Variants in FKBP15 observed in about 807,000 individuals in gnomAD.
FKBP15 encodes the protein FK506-binding protein 15.
Under a neutral mutation model 158.1 loss-of-function variants are expected in FKBP15, and 106 were observed. The observed-to-expected ratio is 0.67, with a 90% CI of 0.57 to 0.79. FKBP15 has a LOEUF of 0.79. Among genes scored for constraint, FKBP15 ranks in the 30% least tolerant of loss-of-function variants. The pLI is 0.00. For synonymous variants in FKBP15, 547 were observed against 548.6 expected, an observed-to-expected ratio of 1.00 and a Z score of 0.04; for missense variants, 1,287 against 1,479.1, an observed-to-expected ratio of 0.87 and a Z score of 2.13.
chr9:113,203,712 AG>A (rs1830837055), intron 4 of FKBP15, among the ~76,000 whole-genome samples: 1 of 152,038 alleles, frequency 6.6e-6, no homozygotes, highest in Non-Finnish European at 1.5e-5. Context: ...TTTTTAGTAG[AG>A]ACCAGGTTTC....
Position 113,221,236 on chromosome 9 carries a change from C to A in FKBP15, c.8G>T (p.Gly3Val). The A allele has an allele frequency of 6.2e-7, 1 of 1,607,656 alleles. No homozygotes were observed. The change falls in exon 1 of 28, where the codon GGT becomes GTT. Residue 3 changes from glycine (G) to valine (V), a missense_variant. Transcript: ENST00000238256. ...ATCGGTGTCGTCCTCGTCCCCCGCA[C>A]CGAACATTGCGTTGGCTTTCACCGG... MFGAGDEDDTDFL... is the reference protein window; with the variant it reads MFVAGDEDDTDFL...
intron 2 of FKBP15, among the ~76,000 whole-genome samples, chr9:113,210,110 G>T (rs1335666902): frequency 2.0e-5 from 3 of 152,136 alleles, no homozygotes. Flanking sequence ...TGTCCATATG[G>T]GGCAGAAGGC....
At chr9:113,200,559 C>T (rs1202593933) in intron 6 of FKBP15, among the ~76,000 whole-genome samples, 2 of 152,130 alleles carry the variant, frequency 1.3e-5, no homozygotes, top group Non-Finnish European at 2.9e-5. Flanking sequence ...GAGTCAGGGG[C>T]ATCTTTGTGA....
intron 19 of FKBP15, among the ~76,000 whole-genome samples, chr9:113,180,672 G>A (rs1289784950): frequency 1.3e-5 from 2 of 152,146 alleles, no homozygotes; most frequent in African/African-American, 4.8e-5. Flanking sequence ...CACAGGAAAA[G>A]GAATATAGCT....
At chr9:113,211,419 A>G (rs1831000911) in intron 2 of FKBP15, 58 bp downstream of exon 2, 1 of 1,400,702 alleles carries the variant, frequency 7.1e-7, no homozygotes, top group Non-Finnish European at 9.8e-7. Flanking sequence ...TCGGCCTCCC[A>G]AAGTGCTGGG....
rs753743911 is a variant in FKBP15, at chr9:113,182,760, C to T, written c.1914+6G>A. The stretch of plus-strand genomic sequence containing the variant: ...ACCTGGGCTTTTCTCTCCCCAGTTG[C>T]TTTACCTTCTCTTGTTCAGCATGCA... On this transcript the variant is annotated splice_donor_region_variant and intron_variant, in intron 19 of 27. Coordinates refer to ENST00000238256, the MANE Select transcript of FKBP15 (RefSeq NM_015258.2). 2 of 1,612,996 alleles carry T rather than the reference C, an allele frequency of 1.2e-6. No homozygotes were observed. Among genetic ancestry groups the T allele is most frequent in the Non-Finnish European group, 1.7e-6 (2 of 1,179,034 alleles).
intron 12 of FKBP15, among the ~76,000 whole-genome samples, chr9:113,188,755 G>A (rs1830525250): frequency 6.6e-6 from 1 of 152,184 alleles, no homozygotes; most frequent in Non-Finnish European, 1.5e-5. Context: ...AGAGGTTGAT[G>A]TTCTATTGTC....
intron 1 of FKBP15, among the ~76,000 whole-genome samples, chr9:113,214,714 T>C (rs1274778965): frequency 1.3e-5 from 2 of 152,262 alleles, no homozygotes; most frequent in African/African-American, 2.4e-5. Flanking sequence ...TTCTCCTCTC[T>C]AGCCATGAAA....
intron 2 of FKBP15, among the ~76,000 whole-genome samples, chr9:113,208,682 A>C (rs758452839): frequency 5.3e-5 from 8 of 152,138 alleles, no homozygotes; most frequent in Non-Finnish European, 1.2e-4. Context: ...AAAGGAGTAT[A>C]AAAAATTTAA....
chr9:113,179,395 G>A (rs540129434), intron 19 of FKBP15, among the ~76,000 whole-genome samples: 1 of 152,184 alleles, frequency 6.6e-6, no homozygotes, highest in Non-Finnish European at 1.5e-5. Flanking sequence ...CGGGCGCAGT[G>A]GCTCGCGCCT....
chr9:113,183,874 T>C (rs768561072), intron 17 of FKBP15, 29 bp from the exon 18 acceptor site: 26 of 1,548,808 alleles, frequency 1.7e-5, no homozygotes, highest in Non-Finnish European at 2.2e-5. Flanking sequence ...ATGTACAATT[T>C]AAGTGTCTTG....
At position 113,207,240 on chromosome 9, in the gene FKBP15, C is replaced by A; in HGVS notation, c.226G>T (p.Val76Phe). The A allele has an allele frequency of 1.2e-6, 2 of 1,613,278 alleles. No homozygotes were observed. Among genetic ancestry groups the A allele is most frequent in the Non-Finnish European group, 1.7e-6 (2 of 1,179,570 alleles). ...CGATATGCATGGACTGCTGTTGCGA[C>A]CAGTATTGTGGGAGTGCTCATGGTG... is the stretch of plus-strand genomic sequence containing the variant. ...PATMSTPTIL[V>F]ATAVHAYRYT... The change falls in exon 3 of 28, where the codon GTC (valine) becomes TTC (phenylalanine). Residue 76 changes from valine to phenylalanine, a missense_variant. By Grantham distance (50) the Val-to-Phe change is conservative (BLOSUM62 -1). Coordinates refer to ENST00000238256, the MANE Select transcript of FKBP15 (RefSeq NM_015258.2).
rs774647169 is a variant in FKBP15 at position 113,161,614 on chromosome 9, C to T, written c.*4464G>A. ...AACCAGGTACTGGTGAACCTGCCAA[C>T]CTCCATCAGCCAGCAGACCATCGCA... On this transcript the variant is annotated 3_prime_UTR_variant, in exon 28 of 28. Coordinates refer to ENST00000238256, the MANE Select transcript of FKBP15 (RefSeq NM_015258.2). The T allele has an allele frequency of 1.2e-6, 2 of 1,614,044 alleles. No homozygotes were observed. The highest frequency in any genetic ancestry group is 1.7e-6 in the Non-Finnish European group (2 of 1,179,906).
rs745909518 is a variant in FKBP15 at position 113,163,181 on chromosome 9, CAG to C, written c.*2895_*2896del. On this transcript the variant is annotated 3_prime_UTR_variant, in exon 28 of 28. Transcript: ENST00000238256. ...GTGACCAAAGGGAGAATGGAGATAA[CAG>C]GGGTGGCAGGGTTACTGAGCCCATG... The C allele has an allele frequency of 5.2e-5, 15 of 288,324 alleles. No homozygotes were observed. The highest frequency in any genetic ancestry group is 7.7e-5 in the Non-Finnish European group (12 of 155,730). 17.9% of individuals were successfully genotyped at this position (288,324 alleles called of 1,614,324 possible). A position where few individuals can be genotyped will look rare whatever the true frequency, so the allele number is the denominator to read the frequency against.
At position 113,169,501 on chromosome 9, in the gene FKBP15, T is replaced by C. The variant is rs760566242; in HGVS notation, c.3208A>G (p.Lys1070Glu). The C allele has an allele frequency of 1.9e-6, 3 of 1,613,910 alleles. No individual in the cohort carries two copies. The highest frequency in any genetic ancestry group is 2.5e-6 in the Non-Finnish European group (3 of 1,179,900). Reference protein sequence around the residue: ...ESLAASPMAAKPDNPSGKVCV... With the variant: ...ESLAASPMAAEPDNPSGKVCV... ...ACCTTTCCTGATGGGTTGTCGGGCT[T>C]AGCTGCCATTGGGCTGGCAGCAAGT... Residue 1070 changes from lysine (K) to glutamate (E), a missense_variant, in exon 26 of 28, where the codon AAG becomes GAG. Lys to Glu is a moderately conservative substitution (Grantham distance 56, BLOSUM62 1). Coordinates refer to ENST00000238256, the MANE Select transcript of FKBP15 (RefSeq NM_015258.2).
At position 113,186,348 on chromosome 9, in the gene FKBP15, G is replaced by A; in HGVS notation, c.1399C>T (p.Gln467Ter). 4 of 1,561,108 alleles carry A rather than the reference G, an allele frequency of 2.6e-6. No homozygotes were observed. Among genetic ancestry groups the A allele is most frequent in the East Asian group, 2.4e-5 (1 of 41,878 alleles). ...AQSFQPYAGM[Q>*]AYAYPQASAV... ...GATGCCTGGGGATAAGCGTAGGCTT[G>A]CATACCTGCATAGGGCTGAGAAACT... Residue 467 changes from glutamine to a stop codon, truncating the protein, a stop_gained, in exon 15 of 28, where the codon CAA becomes TAA. Transcript: ENST00000238256. LOFTEE classifies it high-confidence loss of function.
intron 10 of FKBP15, 21 bp downstream of exon 10, chr9:113,194,006 G>A: frequency 6.3e-7 from 1 of 1,586,032 alleles, no homozygotes; most frequent in Non-Finnish European, 8.6e-7. Context: ...AAAAGAGCTT[G>A]ATACAACTGC....
intron 20 of FKBP15, among the ~76,000 whole-genome samples, chr9:113,177,101 C>T (rs1167330672): frequency 1.3e-5 from 2 of 152,226 alleles, no homozygotes; most frequent in African/African-American, 4.8e-5. Flanking sequence ...ACCTTCTCCA[C>T]ATACGAAATG....
rs1442382013 is a variant in FKBP15, at chr9:113,196,976, G to A, written c.820C>T (p.Gln274Ter). The change falls in exon 9 of 28, where the codon CAA (glutamine) becomes TAA (stop). Residue 274 changes from glutamine (Q) to a stop codon, truncating the protein, a stop_gained. Coordinates refer to ENST00000238256, the MANE Select transcript of FKBP15 (RefSeq NM_015258.2). LOFTEE classifies it high-confidence loss of function. ...AACACCAGGATCGAGTCCGTTGCTT[G>A]AGTCCAGCCTATTACCCCTTCTGAG... ...VGSEGVIGWT[Q>*]ATDSILVFEV... 1.9e-6 allele frequency: 3 copies of A among 1,613,990 alleles called. No homozygotes were observed. The highest frequency in any genetic ancestry group is 1.1e-5 in the South Asian group (1 of 91,088).
Sources: gnomAD v4.1 joint callset for allele counts (sites outside exome capture counted in the v4.1 genomes callset) on GRCh38, gnomAD v4.1.1 for gene constraint, MANE v1.5 for transcripts, NCBI Gene and HGNC (gene_info 2026-07-23, HGNC 2026-07-21) for gene names.